Variants in EYA1 observed in about 807,000 individuals in gnomAD.
The protein encoded by EYA1 is protein phosphatase EYA1.
A neutral mutation model predicts 82.0 loss-of-function variants in EYA1; 16 were observed. That is an observed-to-expected ratio of 0.20 (90% CI 0.13 to 0.30). The LOEUF (loss-of-function observed/expected upper bound fraction) is 0.30, where lower values mean the gene tolerates loss of function less well. Ranked by LOEUF, EYA1 falls within the 10% of genes least tolerant of loss-of-function variation. The pLI is 1.00. For missense variants in EYA1, 633 were observed against 730.7 expected (o/e 0.87, Z 1.54); for synonymous variants, 261 against 264.4 (o/e 0.99, Z 0.12).
At chr8:71,514,310 T>C (rs1311397241) in intron 2 of EYA1, among the ~76,000 whole-genome samples, 1 of 152,090 alleles carries the variant, frequency 6.6e-6, no homozygotes, top group Non-Finnish European at 1.5e-5. Flanking sequence ...TTTACCTCAC[T>C]TCAGGTTTTT....
Position 71,207,075 on chromosome 8 carries a change from A to G in EYA1, c.1698+4081T>C, listed in dbSNP as rs906521670. ...GTAGCAATTTTTGTTACTTACTAATATTATGATTAATCCTACAGCATAGAA... is the reference window on the plus strand; with the variant it reads ...GTAGCAATTTTTGTTACTTACTAATGTTATGATTAATCCTACAGCATAGAA... On this transcript the variant is annotated intron_variant, in intron 17 of 17. Coordinates refer to ENST00000340726, the MANE Select transcript of EYA1 (RefSeq NM_000503.6). 2.6e-5 allele frequency among the ~76,000 whole-genome samples: 4 copies of G among 152,302 alleles called. No individual in the cohort carries two copies. The South Asian group carries it at 8.3e-4, about 32-fold the overall frequency.
chr8:71,357,078 C>T (rs1240570834), intron 1 of EYA1, among the ~76,000 whole-genome samples: 1 of 152,168 alleles, frequency 6.6e-6, no homozygotes, highest in South Asian at 2.1e-4. Flanking sequence ...GGGCAACTTC[C>T]TGACAATGCT....
intron 3 of EYA1, among the ~76,000 whole-genome samples, chr8:71,354,218 T>C (rs1248039546): frequency 6.6e-6 from 1 of 152,108 alleles, no homozygotes; most frequent in Non-Finnish European, 1.5e-5. Flanking sequence ...AGTAAATAAA[T>C]AGTGTGTATA....
intron 1 of EYA1, among the ~76,000 whole-genome samples, chr8:71,539,450 G>A (rs1260644348): frequency 6.6e-6 from 1 of 152,216 alleles, no homozygotes; most frequent in African/African-American, 2.4e-5. Context: ...TACCAAGCCA[G>A]ATGCTTGCAT....
intron 2 of EYA1, among the ~76,000 whole-genome samples, chr8:71,515,692 A>G (rs1005212505): frequency 6.6e-6 from 1 of 152,146 alleles, no homozygotes; most frequent in Non-Finnish European, 1.5e-5. Flanking sequence ...CAATGGGAGC[A>G]ACTGTTGTAA....
intron 2 of EYA1, among the ~76,000 whole-genome samples, chr8:71,462,138 C>T (rs1010763781): frequency 2.6e-5 from 4 of 152,056 alleles, no homozygotes; most frequent in African/African-American, 9.7e-5. Context: ...GGGGACCCAC[C>T]GCTTCTGCTC....
chr8:71,256,525 T>C (rs1377433465), intron 11 of EYA1, among the ~76,000 whole-genome samples: 1 of 152,092 alleles, frequency 6.6e-6, no homozygotes, highest in Admixed American at 6.6e-5. Context: ...AGAATAGATG[T>C]TGCCAGGAAT....
At chr8:71,454,386 T>C (rs1027147842) in intron 2 of EYA1, among the ~76,000 whole-genome samples, 1 of 152,098 alleles carries the variant, frequency 6.6e-6, no homozygotes, top group Non-Finnish European at 1.5e-5. Flanking sequence ...AACAAGGATA[T>C]CCAGGAATTG....
chr8:71,408,257 G>C (rs1258688633), intron 2 of EYA1, among the ~76,000 whole-genome samples: 1 of 151,946 alleles, frequency 6.6e-6, no homozygotes, highest in Non-Finnish European at 1.5e-5. Flanking sequence ...GGTACCAGCC[G>C]CTGCAAAATC....
chr8:71,469,929 G>A (rs1396896237), intron 2 of EYA1, among the ~76,000 whole-genome samples: 1 of 152,000 alleles, frequency 6.6e-6, no homozygotes, highest in Admixed American at 6.6e-5. Context: ...CTAAAGTGAG[G>A]GTCCCTGAAT....
At position 71,411,682 on chromosome 8, in the gene EYA1, T is replaced by C. The variant is rs371821400; in HGVS notation, c.34-55171A>G. On this transcript the variant is annotated intron_variant, in intron 2 of 18. Coordinates refer to the EYA1 transcript ENST00000643681. ...TGCAAATCAAAACCACTATGAGATA[T>C]CATCTCACACCAGTTAGAATGGCAA... Among the ~76,000 whole-genome samples the C allele has an allele frequency of 2.8e-4, 42 of 149,776 alleles. No individual in the cohort carries two copies. In the Middle Eastern group the frequency reaches 0.01, roughly 37 times the overall value.
intron 9 of EYA1, among the ~76,000 whole-genome samples, chr8:71,285,918 T>C (rs1466021559): frequency 2.0e-5 from 3 of 152,088 alleles, no homozygotes; most frequent in African/African-American, 7.2e-5. Context: ...AAAAGAAGGG[T>C]TTAAGATAAC....
At chr8:71,290,847 C>T (rs968664488) in intron 9 of EYA1, among the ~76,000 whole-genome samples, 1 of 152,124 alleles carries the variant, frequency 6.6e-6, no homozygotes, top group Non-Finnish European at 1.5e-5. Flanking sequence ...TCAAGACAAA[C>T]AAACCCAACA....
chr8:71,523,430 G>T (rs990202972), intron 2 of EYA1, among the ~76,000 whole-genome samples: 1 of 151,742 alleles, frequency 6.6e-6, no homozygotes, highest in Non-Finnish European at 1.5e-5. Flanking sequence ...CACCCGCCTC[G>T]GCCTCCCAAA....
intron 7 of EYA1, among the ~76,000 whole-genome samples, chr8:71,313,987 T>C (rs1416448132): frequency 6.6e-6 from 1 of 152,192 alleles, no homozygotes; most frequent in Non-Finnish European, 1.5e-5. Flanking sequence ...TAACTAGTCA[T>C]CATACCTTAT....
At chr8:71,360,680 G>A (rs542714762) in intron 1 of EYA1, among the ~76,000 whole-genome samples, 1 of 152,150 alleles carries the variant, frequency 6.6e-6, no homozygotes, top group Non-Finnish European at 1.5e-5. Flanking sequence ...GACTGTGGGG[G>A]AAAAGACTCA....
At chr8:71,463,582 TCTCTCTCTCTCTC>T (rs1808536753) in intron 2 of EYA1, among the ~76,000 whole-genome samples, 1 of 19,298 alleles carries the variant, frequency 5.2e-5, no homozygotes, top group African/African-American at 9.3e-4. Flanking sequence ...GCTTTCTCTC[TCTCTCTCTCTCTC>T]TCTCTCTCTC....
At chr8:71,225,601 C>A (rs1026663048) in intron 12 of EYA1, among the ~76,000 whole-genome samples, 124 of 152,288 alleles carry the variant, frequency 8.1e-4, no homozygotes, top group Middle Eastern at 3.4e-3. Flanking sequence ...CCACTCTAAA[C>A]TATCTACTCA....
chr8:71,291,430 G>A (rs1018265050), intron 9 of EYA1, among the ~76,000 whole-genome samples: 7 of 152,150 alleles, frequency 4.6e-5, no homozygotes, highest in African/African-American at 1.4e-4. Context: ...CAAGATTCCC[G>A]TCCAACACCT....
Sources: allele counts gnomAD v4.1 joint callset (sites outside exome capture counted in the v4.1 genomes callset), GRCh38; gene constraint gnomAD v4.1.1; transcripts MANE v1.5; gene names NCBI Gene and HGNC (gene_info 2026-07-23, HGNC 2026-07-21).